Variants in RARB observed in about 807,000 individuals in gnomAD.
RARB encodes HBV-activated protein.
A neutral mutation model predicts 51.9 loss-of-function variants in RARB; 17 were observed. That is an observed-to-expected ratio of 0.33 (90% CI 0.22 to 0.49). The LOEUF (loss-of-function observed/expected upper bound fraction) is 0.49, where lower values mean the gene tolerates loss of function less well. RARB is among the 20% of genes least tolerant of loss of function. The pLI, the probability that RARB is intolerant of heterozygous loss-of-function variation, is 0.99. For synonymous variants in RARB, 215 were observed against 195.4 expected (o/e 1.10, Z -0.84); for missense variants, 369 against 550.8 (o/e 0.67, Z 3.30).
intron 5 of RARB, among the ~76,000 whole-genome samples, chr3:25,303,134 A>G (rs375636249): frequency 3.3e-5 from 5 of 152,156 alleles, no homozygotes; most frequent in East Asian, 3.9e-4. Context: ...TATACAGACA[A>G]CCTCTTGACA....
intron 2 of RARB, among the ~76,000 whole-genome samples, chr3:24,944,482 G>A (rs556191980): frequency 2.0e-5 from 3 of 152,272 alleles, no homozygotes; most frequent in East Asian, 3.9e-4. Flanking sequence ...CTTTGCAGAT[G>A]TGGAAACTAA....
chr3:25,175,146 T>C (rs1700718841), intron 5 of RARB, among the ~76,000 whole-genome samples: 1 of 152,230 alleles, frequency 6.6e-6, no homozygotes, highest in African/African-American at 2.4e-5. Context: ...AAATTTTCTG[T>C]ATAAGGTACT....
chr3:25,484,989 G>A (rs1231979302), intron 2 of RARB, among the ~76,000 whole-genome samples: 1 of 152,196 alleles, frequency 6.6e-6, no homozygotes, highest in Non-Finnish European at 1.5e-5. Flanking sequence ...ATAATTGAAA[G>A]AAGTGATATT....
At chr3:25,147,396 G>A (rs1024237654) in intron 4 of RARB, among the ~76,000 whole-genome samples, 1 of 152,026 alleles carries the variant, frequency 6.6e-6, no homozygotes, top group African/African-American at 2.4e-5. Context: ...ACATCTCTGG[G>A]GTGCCCTATA....
intron 2 of RARB, among the ~76,000 whole-genome samples, chr3:25,471,515 T>TA (rs1695692120): frequency 6.6e-6 from 1 of 151,908 alleles, no homozygotes; most frequent in South Asian, 2.1e-4. Flanking sequence ...ATCTGTCTTT[T>TA]TTTTTTTTTC....
chr3:24,924,631 A>G (rs73137231), intron 2 of RARB, among the ~76,000 whole-genome samples: 1,827 of 152,274 alleles, frequency 0.012, 32 homozygotes, highest in African/African-American at 0.041. Flanking sequence ...CTACATGACA[A>G]TTGTGTCATA....
chr3:25,188,894 A>G (rs909286035), intron 5 of RARB, among the ~76,000 whole-genome samples: 1 of 152,168 alleles, frequency 6.6e-6, no homozygotes, highest in Non-Finnish European at 1.5e-5. Flanking sequence ...CATTTGGGGA[A>G]AGAGAAAATA....
At chr3:25,130,258 T>C (rs1016082162) in intron 3 of RARB, among the ~76,000 whole-genome samples, 2 of 152,080 alleles carry the variant, frequency 1.3e-5, no homozygotes, top group Admixed American at 6.6e-5. Context: ...TTGGAAGTCT[T>C]TCCCCTCTAG....
At chr3:25,086,214 T>C (rs1283289613) in intron 3 of RARB, among the ~76,000 whole-genome samples, 5 of 152,182 alleles carry the variant, frequency 3.3e-5, no homozygotes, top group East Asian at 3.9e-4. Flanking sequence ...CTGAATCATA[T>C]GCCCATCCCT....
At chr3:25,295,482 A>C (rs77558726) in intron 5 of RARB, among the ~76,000 whole-genome samples, 1 of 152,178 alleles carries the variant, frequency 6.6e-6, no homozygotes. Flanking sequence ...ACTGTGAGCA[A>C]TAATTTTCCA....
intron 3 of RARB, among the ~76,000 whole-genome samples, chr3:25,097,544 A>T (rs1255350176): frequency 6.6e-6 from 1 of 152,160 alleles, no homozygotes; most frequent in African/African-American, 2.4e-5. Context: ...CTCAGGCTTG[A>T]GGAGGGAGGC....
At chr3:25,354,653 A>G (rs1445070246) in intron 5 of RARB, among the ~76,000 whole-genome samples, 1 of 152,074 alleles carries the variant, frequency 6.6e-6, no homozygotes, top group Admixed American at 6.6e-5. Flanking sequence ...ACATAAACCA[A>G]GCTGTGCACC....
chr3:25,041,182 T>C (rs1459762201), intron 2 of RARB, among the ~76,000 whole-genome samples: 1 of 152,208 alleles, frequency 6.6e-6, no homozygotes, highest in Non-Finnish European at 1.5e-5. Context: ...AACCTGAGAT[T>C]ATGTTCTGGC....
At chr3:25,243,750 G>A (rs1451616846) in intron 5 of RARB, among the ~76,000 whole-genome samples, 1 of 152,172 alleles carries the variant, frequency 6.6e-6, no homozygotes, top group Non-Finnish European at 1.5e-5. Context: ...ATGTTCATCA[G>A]GGATATTGGC....
At chr3:25,007,598 AAAAAAAC>A (rs1697300716) in intron 2 of RARB, among the ~76,000 whole-genome samples, 1 of 145,336 alleles carries the variant, frequency 6.9e-6, no homozygotes, top group African/African-American at 2.6e-5. Flanking sequence ...GTCTCAAAAA[AAAAAAAC>A]AAAAAAACCT....
intron 2 of RARB, among the ~76,000 whole-genome samples, chr3:25,023,444 C>T (rs537977882): frequency 6.6e-6 from 1 of 152,180 alleles, no homozygotes; most frequent in South Asian, 2.1e-4. Context: ...TAAATAAAGG[C>T]CTAGGACTAA....
Position 25,174,677 on chromosome 3 carries a change from G to A in RARB, c.178+102G>A, listed in dbSNP as rs1478216024. 3 of 1,109,776 alleles carry A rather than the reference G, an allele frequency of 2.7e-6. No individual in the cohort carries two copies. The African/African-American group carries it at 4.9e-5, about 18-fold the overall frequency. 68.7% of individuals were successfully genotyped at this position (1,109,776 alleles called of 1,614,324 possible). A position where few individuals can be genotyped will look rare whatever the true frequency, so the allele number is the denominator to read the frequency against. ...ATCCAGGGCAATTTCTTATTTCATTGGGTGCTGGTTTCTTTTGGTCTTGAA... is the reference window on the plus strand; with the variant it reads ...ATCCAGGGCAATTTCTTATTTCATTAGGTGCTGGTTTCTTTTGGTCTTGAA... On this transcript the variant is annotated intron_variant, in intron 5 of 11. Coordinates refer to the RARB transcript ENST00000383772.
intron 2 of RARB, among the ~76,000 whole-genome samples, chr3:25,045,477 C>G (rs982176933): frequency 4.6e-5 from 7 of 152,126 alleles, no homozygotes; most frequent in Non-Finnish European, 1.0e-4. Context: ...GCCAGAGCTC[C>G]CTCCCTCCAG....
chr3:25,419,162 G>A (rs1320609723), intron 5 of RARB, among the ~76,000 whole-genome samples: 5 of 152,004 alleles, frequency 3.3e-5, no homozygotes, highest in Non-Finnish European at 7.4e-5. Flanking sequence ...CTATTTAGGT[G>A]GTGCTCTGTG....
Sources: allele counts gnomAD v4.1 joint callset (sites outside exome capture counted in the v4.1 genomes callset), GRCh38; gene constraint gnomAD v4.1.1; transcripts MANE v1.5; gene names NCBI Gene and HGNC (gene_info 2026-07-23, HGNC 2026-07-21).